CDK14: variants seen among roughly 807,000 people sequenced by gnomAD.
CDK14 encodes cyclin dependent kinase 14, also known as cyclin-dependent kinase 14.
Under a neutral mutation model 60.7 loss-of-function variants are expected in CDK14, and 34 were observed. That is an observed-to-expected ratio of 0.56 (90% CI 0.43 to 0.75). CDK14 has a LOEUF of 0.75. Among genes scored for constraint, CDK14 ranks in the 30% least tolerant of loss-of-function variants. The pLI is 0.00. For missense variants in CDK14, 482 were observed against 564.1 expected (o/e 0.85, Z 1.47); for synonymous variants, 197 against 203.7 (o/e 0.97, Z 0.28).
At chr7:90,790,100 CCTT>C (rs1035526932) in intron 4 of CDK14, among the ~76,000 whole-genome samples, 4 of 116,814 alleles carry the variant, frequency 3.4e-5, no homozygotes, top group African/African-American at 6.6e-5. Flanking sequence ...GGAATTTTTT[CCTT>C]TTTTTTTTTT....
At chr7:90,721,531 C>G (rs903321765) in intron 2 of CDK14, among the ~76,000 whole-genome samples, 3 of 152,050 alleles carry the variant, frequency 2.0e-5, no homozygotes, top group Non-Finnish European at 4.4e-5. Context: ...TAGCACGATC[C>G]CTGACATTTT....
intron 9 of CDK14, among the ~76,000 whole-genome samples, chr7:90,960,470 G>A (rs147505314): frequency 9.1e-4 from 139 of 152,108 alleles, no homozygotes; most frequent in African/African-American, 3.0e-3. Context: ...TAAATCATCC[G>A]TTTCTCTATT....
chr7:90,673,813 T>C (rs1234934069), intron 2 of CDK14, among the ~76,000 whole-genome samples: 2 of 152,214 alleles, frequency 1.3e-5, no homozygotes, highest in Non-Finnish European at 2.9e-5. Context: ...GATTGTACCA[T>C]TAAGATAATG....
At chr7:91,159,293 A>G (rs1172830126) in intron 14 of CDK14, among the ~76,000 whole-genome samples, 1 of 152,186 alleles carries the variant, frequency 6.6e-6, no homozygotes, top group East Asian at 1.9e-4. Flanking sequence ...GCTCACATCT[A>G]ACAACTTCAT....
In CDK14 at chr7:91,125,364, G is replaced by A. The variant is rs143055523; in HGVS notation, c.*28+7156G>A. 2.5e-3 allele frequency among the ~76,000 whole-genome samples: 379 copies of A among 152,192 alleles called. 1 individual carries two copies. The highest frequency in any genetic ancestry group is 8.6e-3 in the African/African-American group (356 of 41,548). On this transcript the variant is annotated intron_variant, in intron 14 of 14. Transcript: ENST00000380050. ...ACCTGAATGTGTTCTGATAGACAAA[G>A]TTAAACACTTTAGCTAAAGTATTAC...
At chr7:90,880,866 A>G (rs943208464) in intron 6 of CDK14, among the ~76,000 whole-genome samples, 27 of 152,198 alleles carry the variant, frequency 1.8e-4, no homozygotes, top group Admixed American at 1.6e-3. Context: ...ACTGAAAGAA[A>G]AACAAGCAGA....
At chr7:91,170,134 G>C (rs1483423598) in intron 14 of CDK14, among the ~76,000 whole-genome samples, 1 of 152,166 alleles carries the variant, frequency 6.6e-6, no homozygotes, top group East Asian at 1.9e-4. Flanking sequence ...GTGATGACAC[G>C]AGCTGTTCCT....
chr7:90,881,687 G>C (rs573409415), intron 6 of CDK14, among the ~76,000 whole-genome samples: 1 of 152,288 alleles, frequency 6.6e-6, no homozygotes, highest in Non-Finnish European at 1.5e-5. Context: ...CAGCCAGGGA[G>C]AAAGGCCGGG....
At chr7:91,205,426 A>G (rs1213731209) in intron 14 of CDK14, among the ~76,000 whole-genome samples, 1 of 152,230 alleles carries the variant, frequency 6.6e-6, no homozygotes, top group African/African-American at 2.4e-5. Context: ...TAAGTGAAAA[A>G]AGCTAGACAA....
rs139456280 is a variant in CDK14 at position 91,187,755 on chromosome 7, G to A, written c.*29-19410G>A. Among the ~76,000 whole-genome samples, 1,238 of 152,268 alleles carry A rather than the reference G, an allele frequency of 8.1e-3. 8 individuals carry two copies. Among genetic ancestry groups the A allele is most frequent in the Middle Eastern group, 0.02 (6 of 294 alleles). On this transcript the variant is annotated intron_variant, in intron 14 of 14. Coordinates refer to ENST00000380050, the MANE Select transcript of CDK14 (RefSeq NM_001287135.2). The stretch of plus-strand genomic sequence containing the variant: ...ATTTTATAGGCAGGCTTGAGGAGGC[G>A]GTGACTGATATATGTAGGGTCCACA...
At chr7:91,104,954 T>C (rs568857589) in intron 12 of CDK14, among the ~76,000 whole-genome samples, 1 of 152,302 alleles carries the variant, frequency 6.6e-6, no homozygotes, top group South Asian at 2.1e-4. Flanking sequence ...ATTATAAGCA[T>C]AGATGATTTT....
At chr7:90,773,274 A>T (rs1804862186) in intron 4 of CDK14, among the ~76,000 whole-genome samples, 1 of 152,190 alleles carries the variant, frequency 6.6e-6, no homozygotes, top group South Asian at 2.1e-4. Context: ...GCAACCCCAC[A>T]GATAACTTAG....
rs550894344 is a variant in CDK14 at position 90,695,007 on chromosome 7, CTTCCCAAAA to C, written c.124-31559_124-31551del. On this transcript the variant is annotated intron_variant, in intron 2 of 14. Coordinates refer to ENST00000380050, the MANE Select transcript of CDK14 (RefSeq NM_001287135.2). ...ATAATCTTATGTGATCAGAATAATT[CTTCCCAAAA>C]GAAATTTTGATTGCTGTTTCCCTGC... Among the ~76,000 whole-genome samples, 460 of 152,232 alleles carry C rather than the reference CTTCCCAAAA, an allele frequency of 3.0e-3. 2 individuals are homozygous for C. The highest frequency in any genetic ancestry group is 0.011 in the African/African-American group (441 of 41,530).
intron 5 of CDK14, among the ~76,000 whole-genome samples, chr7:90,796,391 G>A (rs1330250669): frequency 6.6e-6 from 1 of 152,144 alleles, no homozygotes; most frequent in East Asian, 1.9e-4. Context: ...TCAGAGCTAG[G>A]TGAAGTATTG....
In CDK14 at chr7:90,640,219, G is replaced by A. The variant is rs181016107; in HGVS notation, c.123+35970G>A. ...ATCACCCGTCTTCTGCGTGGCTCACGCTGGGAGCTGTAGACCGGAGCTGTT... is the reference window on the plus strand; with the variant it reads ...ATCACCCGTCTTCTGCGTGGCTCACACTGGGAGCTGTAGACCGGAGCTGTT... On this transcript the variant is annotated intron_variant, in intron 2 of 14. Transcript: ENST00000380050. Among the ~76,000 whole-genome samples, 20 of 152,174 alleles carry A rather than the reference G, an allele frequency of 1.3e-4. No homozygotes were observed. In the East Asian group the frequency reaches 3.1e-3, roughly 24 times the overall value.
intron 3 of CDK14, among the ~76,000 whole-genome samples, chr7:90,736,350 G>GTTTTTTT (rs869290471): frequency 1.1e-3 from 57 of 50,256 alleles, no homozygotes; most frequent in Non-Finnish European, 1.4e-3. Flanking sequence ...TTATGTTTTT[G>GTTTTTTT]TTTTTTTTTT....
Position 90,685,257 on chromosome 7 carries a change from A to G in CDK14, c.124-41310A>G, listed in dbSNP as rs555834360. ...TTCCCCACTGCTTCAAAGTGTTGCC[A>G]TTATCATAAATTATTCTTAATATAT... On this transcript the variant is annotated intron_variant, in intron 2 of 14. Transcript: ENST00000380050. Among the ~76,000 whole-genome samples the G allele has an allele frequency of 1.3e-4, 20 of 152,150 alleles. No homozygotes were observed. In the East Asian group the frequency reaches 3.3e-3, roughly 25 times the overall value.
intron 10 of CDK14, among the ~76,000 whole-genome samples, chr7:91,015,455 T>C (rs1796272948): frequency 6.6e-6 from 1 of 151,738 alleles, no homozygotes; most frequent in African/African-American, 2.4e-5. Context: ...AGATGTATCC[T>C]GTAGCATTCA....
chr7:90,748,762 A>T (rs909585595), intron 4 of CDK14, among the ~76,000 whole-genome samples: 1 of 151,688 alleles, frequency 6.6e-6, no homozygotes, highest in Non-Finnish European at 1.5e-5. Flanking sequence ...TTTTTAAAAA[A>T]CTCTTTTGCA....
Sources: gnomAD v4.1 joint callset for allele counts (sites outside exome capture counted in the v4.1 genomes callset) on GRCh38, gnomAD v4.1.1 for gene constraint, MANE v1.5 for transcripts, NCBI Gene and HGNC (gene_info 2026-07-23, HGNC 2026-07-21) for gene names.